EMG1: variants seen among roughly 807,000 people sequenced by gnomAD.
EMG1 encodes EMG1 N1-specific pseudouridine methyltransferase.
A neutral mutation model predicts 26.9 loss-of-function variants in EMG1; 24 were observed. The ratio of observed to expected loss-of-function variants is 0.89; its 90% CI spans 0.65 to 1.26. EMG1 has a LOEUF of 1.26. EMG1 is among the 50% of genes most tolerant of loss of function. EMG1 has a pLI of 0.00. For synonymous variants in EMG1, 140 were observed against 112.6 expected (o/e 1.24, Z -1.54); for missense variants, 299 against 307.6 (o/e 0.97, Z 0.21).
At chr12:6,972,311 C>T (rs1213310681) in intron 1 of EMG1, among the ~76,000 whole-genome samples, 4 of 152,134 alleles carry the variant, frequency 2.6e-5, no homozygotes, top group South Asian at 4.1e-4. Context: ...TCTTCTATAA[C>T]TAAGGGTGTC....
At chr12:6,983,634 GGA>G, downstream of EMG1, 8 of 745,188 alleles carry the variant, frequency 1.1e-5, no homozygotes, top group Non-Finnish European at 1.4e-5. Flanking sequence ...CAGCCCAGAG[GGA>G]GAGAGAAAAA....
At chr12:6,971,154 G>A in intron 1 of EMG1, 63 bp downstream of exon 1, 1 of 1,382,258 alleles carries the variant, frequency 7.2e-7, no homozygotes, top group Non-Finnish European at 1.0e-6. Context: ...TGGAATGAGG[G>A]TAAGGGGCCC....
At chr12:6,971,430 C>A (rs1285248469) in intron 1 of EMG1, among the ~76,000 whole-genome samples, 1 of 151,968 alleles carries the variant, frequency 6.6e-6, no homozygotes, top group Non-Finnish European at 1.5e-5. Flanking sequence ...GGTGCCACCA[C>A]GCCCGGCTAA....
At chr12:6,986,734 G>A (rs1946529644) in intron 6 of EMG1, among the ~76,000 whole-genome samples, 1 of 139,794 alleles carries the variant, frequency 7.2e-6, no homozygotes, top group Non-Finnish European at 1.5e-5. Flanking sequence ...AGTGAGCAGA[G>A]ATTGCAGTGA....
chr12:6,994,841 C>G (rs1332596141), intron 7 of EMG1, among the ~76,000 whole-genome samples: 2 of 152,148 alleles, frequency 1.3e-5, no homozygotes, highest in East Asian at 3.9e-4. Context: ...TTTCTTTCAC[C>G]GAAGGCATTT....
At chr12:6,991,603 T>C (rs1194312413), downstream of EMG1, among the ~76,000 whole-genome samples, 1 of 152,200 alleles carries the variant, frequency 6.6e-6, no homozygotes, top group Non-Finnish European at 1.5e-5. Context: ...AATTCTAATT[T>C]TTACTTGAAA....
rs997125878 is a variant in EMG1, at chr12:6,976,952, C to T, written c.*1143C>T. The T allele has an allele frequency of 1.1e-5, 6 of 571,338 alleles. No individual in the cohort carries two copies. The highest frequency in any genetic ancestry group is 6.0e-5 in the Admixed American group (2 of 33,372). The allele number at this position is 571,338 out of a possible 1,614,324, so 35.4% of individuals were successfully genotyped here. A position where few individuals can be genotyped will look rare whatever the true frequency, so the allele number is the denominator to read the frequency against. On this transcript the variant is annotated 3_prime_UTR_variant, in exon 6 of 6. Transcript: ENST00000599672. ...TACTCCTGTAATTCCTGGTCTATAG[C>T]CCTTCCAGATGTTTCCTAGCATGCC...
chr12:6,978,501 C>T lies in EMG1; in HGVS notation c.*2692C>T. 6.2e-7 allele frequency: 1 copy of T among 1,612,924 alleles called. No individual in the cohort carries two copies. Among genetic ancestry groups the T allele is most frequent in the African/African-American group, 1.3e-5 (1 of 75,032 alleles). ...AAGCCCAGGCCCGTCAAAATGCATA[C>T]TCCTTCCTGAGAGGGAATAGCTCAG... On this transcript the variant is annotated 3_prime_UTR_variant, in exon 6 of 6. Coordinates refer to ENST00000599672, the MANE Select transcript of EMG1 (RefSeq NM_006331.8).
downstream of EMG1, chr12:6,980,947 T>A (rs1946464871): frequency 6.8e-7 from 1 of 1,471,458 alleles, no homozygotes. Flanking sequence ...TTCAGAAGAG[T>A]CACTTCAGAG....
chr12:6,978,254 G>T lies in EMG1; in HGVS notation c.*2445G>T. 1 of 1,463,468 alleles carries T rather than the reference G, an allele frequency of 6.8e-7. No individual in the cohort carries two copies. Among genetic ancestry groups the T allele is most frequent in the South Asian group, 1.3e-5 (1 of 75,230 alleles). The allele number at this position is 1,463,468 out of a possible 1,614,324, so 90.7% of individuals were successfully genotyped here. ...TCTGCCCAGATGGGAAAGACGCATA[G>T]GGGTGACATGGTACACCCCTGCCCT... On this transcript the variant is annotated 3_prime_UTR_variant, in exon 6 of 6. Coordinates refer to ENST00000599672, the MANE Select transcript of EMG1 (RefSeq NM_006331.8).
chr12:6,981,693 T>G, downstream of EMG1: 1 of 1,519,502 alleles, frequency 6.6e-7, no homozygotes. Flanking sequence ...ATGTGGCCTG[T>G]AGACTGAGTG....
Position 6,975,975 on chromosome 12 carries a change from A to T in EMG1, c.*166A>T, listed in dbSNP as rs1393846201. 6.9e-6 allele frequency: 4 copies of T among 576,274 alleles called. No individual in the cohort carries two copies. The highest frequency in any genetic ancestry group is 1.2e-5 in the Non-Finnish European group (4 of 323,656). The allele number at this position is 576,274 out of a possible 1,614,324, so 35.7% of individuals were successfully genotyped here. ...TTTATCCTATGAATACTGTTCTTGC[A>T]AACCTGGTTGTTTTGGGGTTCCTAA... On this transcript the variant is annotated 3_prime_UTR_variant, in exon 6 of 6. Coordinates refer to ENST00000599672, the MANE Select transcript of EMG1 (RefSeq NM_006331.8).
downstream of EMG1, chr12:6,981,480 G>T: frequency 2.9e-6 from 3 of 1,031,560 alleles, no homozygotes; most frequent in Non-Finnish European, 4.6e-6. Context: ...GATTGCACAG[G>T]CTGGGGAATG....
At chr12:6,974,156 A>C (rs1946364630) in intron 1 of EMG1, among the ~76,000 whole-genome samples, 183 bp from the exon 2 acceptor site, 1 of 152,172 alleles carries the variant, frequency 6.6e-6, no homozygotes, top group African/African-American at 2.4e-5. Flanking sequence ...TAATCCCCCG[A>C]AGGGCTTGCT....
At position 6,977,130 on chromosome 12, in the gene EMG1, T is replaced by G. The variant is rs1946412743; in HGVS notation, c.*1321T>G. On this transcript the variant is annotated 3_prime_UTR_variant, in exon 6 of 6. Coordinates refer to ENST00000599672, the MANE Select transcript of EMG1 (RefSeq NM_006331.8). The surrounding 1 kb of genome is among the most constrained non-coding windows in gnomAD (Gnocchi z 4.5). Reference sequence around the variant, plus strand: ...GTAGTTTTAGTTTAGCTGTATTAACTTACCAGGGAAATGGATTATTCCATC... The same window carrying G: ...GTAGTTTTAGTTTAGCTGTATTAACGTACCAGGGAAATGGATTATTCCATC... 6.5e-7 allele frequency: 1 copy of G among 1,532,698 alleles called. No individual in the cohort carries two copies. Among genetic ancestry groups the G allele is most frequent in the South Asian group, 1.1e-5 (1 of 89,402 alleles). The allele number at this position is 1,532,698 out of a possible 1,614,324, so 94.9% of individuals were successfully genotyped here. A position where few individuals can be genotyped will look rare whatever the true frequency, so the allele number is the denominator to read the frequency against.
At chr12:6,996,812 G>A (rs1252374717) in intron 7 of EMG1, among the ~76,000 whole-genome samples, 1 of 152,240 alleles carries the variant, frequency 6.6e-6, no homozygotes, top group African/African-American at 2.4e-5. Context: ...CTCGACCACA[G>A]TGGTCGGGAG....
rs1555153582 is a variant in EMG1 at position 6,978,335 on chromosome 12, G to C, written c.*2526G>C. On this transcript the variant is annotated 3_prime_UTR_variant, in exon 6 of 6. Coordinates refer to ENST00000599672, the MANE Select transcript of EMG1 (RefSeq NM_006331.8). ...CCAGGGTCCAGGCTCCCCACCAGCAGCTCACCGGGCCACCCAGGCGTTGGT... is the reference window on the plus strand; with the variant it reads ...CCAGGGTCCAGGCTCCCCACCAGCACCTCACCGGGCCACCCAGGCGTTGGT... 1 of 1,603,094 alleles carries C rather than the reference G, an allele frequency of 6.2e-7. No individual in the cohort carries two copies.
chr12:6,994,447 A>C (rs782564821), intron 7 of EMG1, among the ~76,000 whole-genome samples: 8 of 151,974 alleles, frequency 5.3e-5, no homozygotes, highest in Non-Finnish European at 8.8e-5. Flanking sequence ...ACCTCAAGTG[A>C]TCGACCTGCC....
At chr12:6,996,128 T>C (rs797032072) in intron 7 of EMG1, among the ~76,000 whole-genome samples, 3 of 151,772 alleles carry the variant, frequency 2.0e-5, no homozygotes, top group African/African-American at 7.3e-5. Flanking sequence ...CCCACTGTCC[T>C]CTGACTCATC....
Sources: gnomAD v4.1 joint callset for allele counts (sites outside exome capture counted in the v4.1 genomes callset) on GRCh38, gnomAD v4.1.1 for gene constraint, Gnocchi (gnomAD v3.1) non-coding constraint, MANE v1.5 for transcripts, NCBI Gene and HGNC (gene_info 2026-07-23, HGNC 2026-07-21) for gene names.